Variants in MAGIX observed in about 807,000 individuals in gnomAD.
MAGIX encodes MAGI family member, X-linked, also known as PDZ domain-containing protein MAGIX.
Under a neutral mutation model 10.0 loss-of-function variants are expected in MAGIX, and 13 were observed. That is an observed-to-expected ratio of 1.30 (90% CI 0.84 to 2.06). The LOEUF is 2.06. MAGIX is among the 30% of genes most tolerant of loss of function. The pLI is 0.00. For synonymous variants in MAGIX, 108 were observed against 106.8 expected (o/e 1.01, Z -0.07); for missense variants, 235 against 245.2 (o/e 0.96, Z 0.28).
chrX:49,164,096 T>G, intron 2 of MAGIX, 167 bp downstream of exon 2: 1 of 403,903 alleles, frequency 2.5e-6, no homozygotes, highest in Non-Finnish European at 3.9e-6. Context: ...AGCCTTGGGG[T>G]TATTCTAGCA....
exon 5 of MAGIX, chrX:49,166,619 A>C: frequency 5.1e-6 from 2 of 389,178 alleles, no homozygotes; most frequent in Non-Finnish European, 4.4e-6. Flanking sequence ...AGGTAATAAA[A>C]TGGTTCGATC....
exon 3 of MAGIX, chrX:49,164,866 C>G (rs376646988): frequency 5.8e-6 from 7 of 1,210,353 alleles, no homozygotes; most frequent in Non-Finnish European, 7.8e-6. Flanking sequence ...ATTCCAGCAC[C>G]GTTGGTTAGA....
At position 49,165,003 on chromosome X, in the gene MAGIX, TG is replaced by T. The variant is rs782316019; in HGVS notation, c.248del (p.Gly83AlafsTer4). On this transcript the variant is annotated frameshift_variant, in exon 3 of 5. Transcript: ENST00000616266. LOFTEE classifies it high-confidence loss of function. ...ACGCAGGCTTTGGCCTCACCTTAGGTGGGGGCCGGGATGTAGCTGGGGACAC... is the reference window on the plus strand; with the variant it reads ...ACGCAGGCTTTGGCCTCACCTTAGGTGGGGCCGGGATGTAGCTGGGGACAC... 3.6e-5 allele frequency: 44 copies of T among 1,210,027 alleles called. No individual in the cohort carries two copies. Among genetic ancestry groups the T allele is most frequent in the Non-Finnish European group, 4.5e-5 (40 of 895,139 alleles).
exon 2 of MAGIX, chrX:49,163,861 G>A: frequency 1.9e-6 from 2 of 1,040,241 alleles, no homozygotes; most frequent in Non-Finnish European, 2.5e-6. Context: ...CTGGCGGCGC[G>A]AGCTGCGGTC....
intron 4 of MAGIX, chrX:49,165,717 TGG>T: frequency 3.3e-6 from 1 of 307,409 alleles, no homozygotes; most frequent in East Asian, 5.3e-5. Context: ...GAAAATGGGA[TGG>T]GGATCCAGAG....
intron 2 of MAGIX, 70 bp downstream of exon 2, chrX:49,163,999 T>TG (rs1226502969): frequency 4.3e-6 from 4 of 933,717 alleles, no homozygotes; most frequent in African/African-American, 4.2e-5. Flanking sequence ...GGGACAGGCC[T>TG]GGGGGGTCAG....
chrX:49,166,015 A>G (rs2065363926), intron 4 of MAGIX, 59 bp from the exon 6 acceptor site: 1 of 1,120,815 alleles, frequency 8.9e-7, no homozygotes. Flanking sequence ...TCTCCTGTCC[A>G]TCCTCAGCCA....
At chrX:49,166,148 C>T in exon 5 of MAGIX, 2 of 1,212,010 alleles carry the variant, frequency 1.7e-6, no homozygotes. Flanking sequence ...CAGCACTTCC[C>T]TAGTTCAGCA....
At chrX:49,163,624 G>A in intron 1 of MAGIX, 159 bp from the exon 2 acceptor site, 1 of 436,044 alleles carries the variant, frequency 2.3e-6, no homozygotes, top group Non-Finnish European at 3.3e-6. Context: ...GTCGGGGATC[G>A]CGTGAGGGGA....
exon 5 of MAGIX, chrX:49,168,445 G>GT (rs2065379628): frequency 2.2e-5 from 2 of 91,328 alleles, no homozygotes; most frequent in African/African-American, 8.5e-5. Context: ...TCCAGCCTGG[G>GT]TGACAGAGCG....
exon 4 of MAGIX, chrX:49,165,283 C>A: frequency 8.5e-7 from 1 of 1,183,257 alleles, no homozygotes; most frequent in Admixed American, 2.4e-5. Context: ...AGGCCCCCAG[C>A]TCCACCTGGT....
Position 49,163,879 on chromosome X carries a change from C to T in MAGIX, c.-105C>T, listed in dbSNP as rs1192934224. 8.7e-6 allele frequency: 9 copies of T among 1,035,094 alleles called. No individual in the cohort carries two copies. In the East Asian group the frequency reaches 3.3e-4, roughly 38 times the overall value. 85.3% of individuals were successfully genotyped at this position (1,035,094 alleles called of 1,213,427 possible). On this transcript the variant is annotated 5_prime_UTR_variant, in exon 2 of 5. Coordinates refer to ENST00000616266, the Ensembl canonical transcript of MAGIX. The stretch of plus-strand genomic sequence containing the variant: ...GCGGCGCGAGCTGCGGTCGACGTGG[C>T]AGCGCTGGTACGCAGGGCGGGCGCC...
At chrX:49,166,295 G>A in exon 5 of MAGIX, 6 of 1,183,732 alleles carry the variant, frequency 5.1e-6, no homozygotes, top group Non-Finnish European at 6.8e-6. Context: ...GGGTTCCCCG[G>A]GGCCCTGGCT....
At chrX:49,165,725 C>T in intron 4 of MAGIX, 1 of 315,304 alleles carries the variant, frequency 3.2e-6, no homozygotes, top group Non-Finnish European at 5.5e-6. Flanking sequence ...GATGGGGATC[C>T]AGAGGGTAGG....
intron 4 of MAGIX, 59 bp downstream of exon 5, chrX:49,165,420 A>C: frequency 2.9e-6 from 3 of 1,030,173 alleles, no homozygotes; most frequent in Non-Finnish European, 3.8e-6. Context: ...AGGTTCACAG[A>C]GTGGAGAAGC....
exon 3 of MAGIX, chrX:49,164,914 G>A (rs2065355164): frequency 3.3e-6 from 4 of 1,212,163 alleles, no homozygotes; most frequent in South Asian, 1.8e-5. Flanking sequence ...CCAGGGTAAG[G>A]CACGTAGTGC....
intron 2 of MAGIX, chrX:49,164,220 G>C (rs782693618): frequency 3.5e-4 from 94 of 270,609 alleles, no homozygotes; most frequent in African/African-American, 2.2e-3. Context: ...AGAGTGCTTG[G>C]GGGGCGGGCA....
chrX:49,165,366 G>T lies in MAGIX; in HGVS notation c.502+5G>T. 8.7e-7 allele frequency: 1 copy of T among 1,154,314 alleles called. No homozygotes were observed. Among genetic ancestry groups the T allele is most frequent in the Non-Finnish European group, 1.2e-6 (1 of 865,763 alleles). On this transcript the variant is annotated splice_donor_5th_base_variant and intron_variant, in intron 4 of 4. Transcript: ENST00000616266. The stretch of plus-strand genomic sequence containing the variant: ...GAGAGCCCCGAAAAGGAGTTGGTGG[G>T]TTTCCCAAGGGAGAGAAGTCAGAGA...
chrX:49,163,875 G>T lies in MAGIX; in HGVS notation c.-109G>T, dbSNP rs2065346793. ...CCTGGCGGCGCGAGCTGCGGTCGACGTGGCAGCGCTGGTACGCAGGGCGGG... is the reference window on the plus strand; with the variant it reads ...CCTGGCGGCGCGAGCTGCGGTCGACTTGGCAGCGCTGGTACGCAGGGCGGG... On this transcript the variant is annotated 5_prime_UTR_variant, in exon 2 of 5. Transcript: ENST00000616266. The T allele has an allele frequency of 9.6e-6, 10 of 1,036,433 alleles. No individual in the cohort carries two copies. Among genetic ancestry groups the T allele is most frequent in the African/African-American group, 2.0e-5 (1 of 50,211 alleles). 85.4% of individuals were successfully genotyped at this position (1,036,433 alleles called of 1,213,427 possible).
Sources: allele counts gnomAD v4.1 joint callset, GRCh38; gene constraint gnomAD v4.1.1; transcripts MANE v1.5; gene names NCBI Gene and HGNC (gene_info 2026-07-23, HGNC 2026-07-21).